Variants in MYT1 observed in about 807,000 individuals in gnomAD.
MYT1 encodes myelin transcription factor 1.
Under a neutral mutation model 123.0 loss-of-function variants are expected in MYT1, and 23 were observed. The observed-to-expected ratio is 0.19, with a 90% CI of 0.13 to 0.26. The LOEUF (loss-of-function observed/expected upper bound fraction) is 0.26. MYT1 is among the 10% of genes least tolerant of loss of function. The pLI is 1.00. For missense variants in MYT1, 1,125 were observed against 1,472.5 expected (o/e 0.76, Z 3.86); for synonymous variants, 518 against 575.3 (o/e 0.90, Z 1.43).
chr20:64,229,796 G>A (rs1452297220), intron 18 of MYT1, among the ~76,000 whole-genome samples: 2 of 152,158 alleles, frequency 1.3e-5, no homozygotes, highest in Admixed American at 6.5e-5. Context: ...CACATCAGGC[G>A]CTTGGTGGTA....
intron 2 of MYT1, among the ~76,000 whole-genome samples, chr20:64,194,063 A>G (rs1983038170): frequency 6.6e-6 from 1 of 152,084 alleles, no homozygotes; most frequent in Non-Finnish European, 1.5e-5. Context: ...GGTTTCAGAG[A>G]TGTTTCTGAC....
rs898289775 is a variant in MYT1 at position 64,208,087 on chromosome 20, A to G, written c.891A>G (p.Glu297=). The G allele has an allele frequency of 2.2e-5, 35 of 1,594,984 alleles. No homozygotes were observed. Among genetic ancestry groups the G allele is most frequent in the Non-Finnish European group, 2.7e-5 (32 of 1,170,634 alleles). Residue 297 remains glutamate, a synonymous_variant, in exon 7 of 23, where the codon GAA becomes GAG. Transcript: ENST00000328439. The surrounding 1 kb of genome is among the most constrained non-coding windows in gnomAD (Gnocchi z 5.4). ...AGGAGGAAGAGGAAGAGGAGGAGGA[A>G]GAGGAAGAGGAAGAGGAGGAGGAGG... ...EEEEEEEEEE[E]EEEEEEEEEA...
intron 21 of MYT1, among the ~76,000 whole-genome samples, chr20:64,239,522 G>A (rs1050239228): frequency 5.9e-5 from 9 of 152,022 alleles, no homozygotes; most frequent in African/African-American, 1.5e-4. Context: ...CGTGCCACAC[G>A]AGCCCCCTTC....
chr20:64,180,398 A>G (rs1038454934), intron 1 of MYT1, among the ~76,000 whole-genome samples: 2 of 152,226 alleles, frequency 1.3e-5, no homozygotes, highest in Non-Finnish European at 2.9e-5. Flanking sequence ...ACAGTGAGAA[A>G]GCTGGTTTCC....
At chr20:64,238,140 T>C (rs1364306919) in intron 21 of MYT1, among the ~76,000 whole-genome samples, 1 of 151,986 alleles carries the variant, frequency 6.6e-6, no homozygotes, top group Non-Finnish European at 1.5e-5. Context: ...GATCTTATTT[T>C]GAAAATAAGA....
chr20:64,209,323 G>C (rs1035878454), intron 7 of MYT1, among the ~76,000 whole-genome samples: 2 of 152,228 alleles, frequency 1.3e-5, no homozygotes, highest in Admixed American at 6.5e-5. Flanking sequence ...GGGCTGGCCA[G>C]GGGCTGCTCC....
rs1242741811 is a variant in MYT1 at position 64,192,636 on chromosome 20, C to T, written c.-1+2476C>T. On this transcript the variant is annotated intron_variant, in intron 2 of 22. Coordinates refer to ENST00000328439, the MANE Select transcript of MYT1 (RefSeq NM_004535.3). The surrounding 1 kb of genome is among the most constrained non-coding windows in gnomAD (Gnocchi z 5.3). ...AAGGGGCTGCCAGAAGTCAGGTGGTCGTGTGTCGGGGTATGCAGGAGCTGA... is the reference window on the plus strand; with the variant it reads ...AAGGGGCTGCCAGAAGTCAGGTGGTTGTGTGTCGGGGTATGCAGGAGCTGA... 6.6e-6 allele frequency among the ~76,000 whole-genome samples: 1 copy of T among 152,180 alleles called. No homozygotes were observed. Among genetic ancestry groups the T allele is most frequent in the Non-Finnish European group, 1.5e-5 (1 of 68,016 alleles).
intron 1 of MYT1, among the ~76,000 whole-genome samples, chr20:64,187,154 G>A (rs1241851884): frequency 1.3e-5 from 2 of 148,378 alleles, no homozygotes; most frequent in African/African-American, 5.0e-5. Context: ...TTTCCGTGGA[G>A]AGTTTTCCTG....
At chr20:64,224,417 G>C (rs1408877801) in intron 16 of MYT1, among the ~76,000 whole-genome samples, 1 of 152,186 alleles carries the variant, frequency 6.6e-6, no homozygotes, top group Non-Finnish European at 1.5e-5. Context: ...AGGTCTCCCA[G>C]AGCCCCCACC....
chr20:64,223,631 A>G (rs1038757286), intron 16 of MYT1, among the ~76,000 whole-genome samples: 6 of 151,916 alleles, frequency 3.9e-5, no homozygotes, highest in Non-Finnish European at 7.4e-5. Flanking sequence ...CTCTTGACCC[A>G]TCCCCCACCC....
rs1245421725 is a variant in MYT1, at chr20:64,203,982, C to G, written c.87-1053C>G. On this transcript the variant is annotated intron_variant, in intron 4 of 22. Coordinates refer to ENST00000328439, the MANE Select transcript of MYT1 (RefSeq NM_004535.3). This position sits in a 1 kb window ranked among gnomAD's most constrained non-coding sequence, Gnocchi z 5.1. The stretch of plus-strand genomic sequence containing the variant: ...GTCTTCCCATCTTGGCCAGGAAAGC[C>G]TCTCTCTTCCCACAAGGAGCGCAGG... 1.3e-5 allele frequency among the ~76,000 whole-genome samples: 2 copies of G among 152,256 alleles called. No individual in the cohort carries two copies. Among genetic ancestry groups the G allele is most frequent in the Non-Finnish European group, 2.9e-5 (2 of 68,040 alleles).
intron 1 of MYT1, among the ~76,000 whole-genome samples, chr20:64,172,882 C>T (rs768399477): frequency 6.5e-4 from 98 of 151,644 alleles, no homozygotes; most frequent in Non-Finnish European, 2.1e-4. Context: ...GCATGTGCCA[C>T]CACACCTGGC....
chr20:64,211,387 G>C, intron 8 of MYT1, 47 bp downstream of exon 8: 1 of 1,569,570 alleles, frequency 6.4e-7, no homozygotes. Context: ...AGCTCACGCT[G>C]CCTCTGTGGT....
chr20:64,229,530 A>C lies in MYT1; in HGVS notation c.2675+1559A>C, dbSNP rs369224622. On this transcript the variant is annotated intron_variant, in intron 18 of 22. Transcript: ENST00000328439. ...TTTGCAGGATAGAGGAAGGTCCTAGAGGCTCCATGGCAGAGGGAACCTGAC... is the reference window on the plus strand; with the variant it reads ...TTTGCAGGATAGAGGAAGGTCCTAGCGGCTCCATGGCAGAGGGAACCTGAC... 2.3e-3 allele frequency among the ~76,000 whole-genome samples: 345 copies of C among 152,320 alleles called. 13 individuals are homozygous for C. In the South Asian group the frequency reaches 0.055, roughly 24 times the overall value.
rs566107092 is a variant in MYT1, at chr20:64,212,067, C to T, written c.1446C>T (p.Asn482=). ...TTACAGTCTTAGCCATGCATGAGAA[C>T]GTGCTGAAGTGCCCCACTCCTGGCT... is the stretch of plus-strand genomic sequence containing the variant. ...IPPEILAMHE[N]VLKCPTPGCT... The change falls in exon 9 of 23, where the codon AAC becomes AAT. Residue 482 remains asparagine (N), a synonymous_variant. Coordinates refer to ENST00000328439, the MANE Select transcript of MYT1 (RefSeq NM_004535.3). This position sits in a 1 kb window ranked among gnomAD's most constrained non-coding sequence, Gnocchi z 6.8. 2.2e-5 allele frequency: 35 copies of T among 1,613,848 alleles called. No individual in the cohort carries two copies. The East Asian group carries it at 3.1e-4, about 14-fold the overall frequency.
Position 64,186,656 on chromosome 20 carries a change from GC to G in MYT1, c.-98-3406del, listed in dbSNP as rs1387714896. Among the ~76,000 whole-genome samples, 1 of 152,286 alleles carries G rather than the reference GC, an allele frequency of 6.6e-6. No homozygotes were observed. Among genetic ancestry groups the G allele is most frequent in the South Asian group, 2.1e-4 (1 of 4,836 alleles). On this transcript the variant is annotated intron_variant, in intron 1 of 22. Transcript: ENST00000328439. The surrounding 1 kb of genome is among the most constrained non-coding windows in gnomAD (Gnocchi z 4.3). ...GAGTTGGTGGCAGTGCCCTGTGTGA[GC>G]TTTGGGGACCCTTGTTCCCACCACA...
intron 16 of MYT1, among the ~76,000 whole-genome samples, chr20:64,227,084 C>T (rs1172201885): frequency 1.3e-5 from 2 of 152,168 alleles, no homozygotes; most frequent in Non-Finnish European, 2.9e-5. Flanking sequence ...CTGCAGTGGA[C>T]CCTGTAGGCC....
At chr20:64,211,126 G>A (rs1458507108) in intron 7 of MYT1, 80 bp from the exon 8 acceptor site, 1 of 1,483,034 alleles carries the variant, frequency 6.7e-7, no homozygotes, top group Non-Finnish European at 9.2e-7. Context: ...GCCAGAGAGA[G>A]GGTTCCTGAG....
rs1984707606 is a variant in MYT1, at chr20:64,241,203, A to C, written c.*755A>C. 1 of 152,006 alleles carries C rather than the reference A, an allele frequency of 6.6e-6. No homozygotes were observed. The highest frequency in any genetic ancestry group is 2.1e-4 in the South Asian group (1 of 4,806). The allele number at this position is 152,006 out of a possible 1,614,324, so 9.4% of individuals were successfully genotyped here. ...GGTCTGGGATCCACGTCTAGGGACC[A>C]CTCTGGCTTCTGTGCATCCACCCAG... is the stretch of plus-strand genomic sequence containing the variant. On this transcript the variant is annotated 3_prime_UTR_variant, in exon 23 of 23. Coordinates refer to ENST00000328439, the MANE Select transcript of MYT1 (RefSeq NM_004535.3). The surrounding 1 kb of genome is among the most constrained non-coding windows in gnomAD (Gnocchi z 4.2).
Sources: allele counts gnomAD v4.1 joint callset (sites outside exome capture counted in the v4.1 genomes callset), GRCh38; gene constraint gnomAD v4.1.1; non-coding constraint Gnocchi (gnomAD v3.1); transcripts MANE v1.5; gene names NCBI Gene and HGNC (gene_info 2026-07-23, HGNC 2026-07-21).